The following MORN1 variants were observed in gnomAD, a reference collection of about 807,000 sequenced individuals.
MORN1 encodes the protein MORN repeat containing 1.
A neutral mutation model predicts 61.9 loss-of-function variants in MORN1; 67 were observed. That is an observed-to-expected ratio of 1.08 (90% CI 0.89 to 1.33). MORN1 has a LOEUF of 1.33. Among genes scored for constraint, MORN1 ranks in the 40% most tolerant of loss-of-function variants. The probability of loss-of-function intolerance (pLI) is 0.00; values close to 1 mark genes in which losing one functional copy is unlikely to be tolerated. For missense variants in MORN1, 752 were observed against 691.2 expected (o/e 1.09, Z -0.99); for synonymous variants, 301 against 292.0 (o/e 1.03, Z -0.31).
At position 2,322,286 on chromosome 1, in the gene MORN1, G is replaced by A. The variant is rs372159101; in HGVS notation, c.1298-707C>T. On this transcript the variant is annotated intron_variant, in intron 13 of 13. Coordinates refer to ENST00000378531, the MANE Select transcript of MORN1 (RefSeq NM_024848.3). ...TCCTCTCCCCTCCCCTGAGCCTGCC[G>A]GGGCTGGCACCGGAGCGTGGAAAAA... 43 of 985,292 alleles carry A rather than the reference G, an allele frequency of 4.4e-5. No individual in the cohort carries two copies. In the African/African-American group the frequency reaches 6.1e-4, roughly 14 times the overall value. The allele number at this position is 985,292 out of a possible 1,614,324, so 61.0% of individuals were successfully genotyped here. A position where few individuals can be genotyped will look rare whatever the true frequency, so the allele number is the denominator to read the frequency against.
intron 10 of MORN1, among the ~76,000 whole-genome samples, chr1:2,346,166 C>A (rs886347714): frequency 1.3e-5 from 2 of 151,912 alleles, no homozygotes; most frequent in African/African-American, 4.8e-5. Context: ...CTTCCTCAGA[C>A]AAAGCCACCA....
intron 10 of MORN1, among the ~76,000 whole-genome samples, chr1:2,338,866 A>G (rs1641337472): frequency 6.6e-6 from 1 of 152,108 alleles, no homozygotes; most frequent in African/African-American, 2.4e-5. Flanking sequence ...CTCAGAGTAA[A>G]GGCTGTCGTG....
intron 13 of MORN1, chr1:2,322,347 G>C: frequency 1.0e-6 from 1 of 985,462 alleles, no homozygotes; most frequent in Non-Finnish European, 1.2e-6. Context: ...CCAGGAATGC[G>C]GCCGCAGCTG....
chr1:2,336,316 G>T (rs919780258), intron 12 of MORN1, among the ~76,000 whole-genome samples, 153 bp downstream of exon 12: 6 of 152,202 alleles, frequency 3.9e-5, no homozygotes, highest in Non-Finnish European at 2.9e-5. Context: ...CTGGCTGGCG[G>T]GGGGGCTCTC....
At chr1:2,370,869 T>A (rs1484189111) in intron 8 of MORN1, among the ~76,000 whole-genome samples, 1 of 151,990 alleles carries the variant, frequency 6.6e-6, no homozygotes, top group East Asian at 1.9e-4. Flanking sequence ...TGGTTTTTTT[T>A]TTTAGGGATG....
intron 12 of MORN1, chr1:2,326,113 T>A (rs1557865859): frequency 6.6e-6 from 1 of 152,110 alleles, no homozygotes; most frequent in Non-Finnish European, 1.5e-5. Flanking sequence ...CACCCAGAGC[T>A]CGGAGAGAGC....
intron 10 of MORN1, among the ~76,000 whole-genome samples, chr1:2,356,729 G>A (rs1362297422): frequency 6.6e-6 from 1 of 152,194 alleles, no homozygotes; most frequent in East Asian, 1.9e-4. Context: ...TGTGCTGCGC[G>A]GGAGGGTTTG....
intron 4 of MORN1, 99 bp downstream of exon 4, chr1:2,387,320 G>C (rs538203774): frequency 5.8e-6 from 5 of 868,354 alleles, no homozygotes; most frequent in South Asian, 1.3e-5. Context: ...TCTGAAGTCA[G>C]GCAGGCCCTC....
rs1456165735 is a variant in MORN1 at position 2,358,701 on chromosome 1, C to T, written c.760G>A (p.Val254Ile). Residue 254 changes from valine to isoleucine, a missense_variant, in exon 9 of 14, where the codon GTC becomes ATC. Val to Ile is a conservative substitution (Grantham distance 29). Transcript: ENST00000378531. Reference sequence around the variant, plus strand: ...CTGACGCCCGCTGAGATCTGCAGGACCCGGCCGCTCTCGCCTTCCAGGAGA... The same window carrying T: ...CTGACGCCCGCTGAGATCTGCAGGATCCGGCCGCTCTCGCCTTCCAGGAGA... ...GEIAKSESGR[V>I]LQISAGVRYV... The T allele has an allele frequency of 6.2e-7, 1 of 1,612,170 alleles. No homozygotes were observed. Among genetic ancestry groups the T allele is most frequent in the African/African-American group, 1.3e-5 (1 of 74,868 alleles).
rs761083497 is a variant in MORN1 at position 2,384,979 on chromosome 1, T to C, written c.536A>G (p.Lys179Arg). 1.3e-5 allele frequency: 21 copies of C among 1,574,938 alleles called. No homozygotes were observed. The change falls in exon 6 of 14, where the codon AAG becomes AGG. Residue 179 changes from lysine to arginine, a missense_variant and splice_region_variant. Coordinates refer to ENST00000378531, the MANE Select transcript of MORN1 (RefSeq NM_024848.3). Reference sequence around the variant, plus strand: ...CAGGTGCCGCGCGCCCCCGGGTACCTTGTAGGTGGAGCCGTCGGCGCAGCG... The same window carrying C: ...CAGGTGCCGCGCGCCCCCGGGTACCCTGTAGGTGGAGCCGTCGGCGCAGCG... ...VLRCADGSTY[K>R]GQWHSDVFSG... is the part of the protein sequence containing the mutation.
intron 12 of MORN1, chr1:2,332,021 C>T (rs962690359): frequency 5.8e-6 from 1 of 173,404 alleles, no homozygotes; most frequent in Non-Finnish European, 1.2e-5. Context: ...CCCGCCGCTG[C>T]GCCTCTCCCG....
chr1:2,340,772 C>A (rs894388311), intron 10 of MORN1, among the ~76,000 whole-genome samples: 1 of 152,116 alleles, frequency 6.6e-6, no homozygotes, highest in Non-Finnish European at 1.5e-5. Flanking sequence ...GCGAGGGCCG[C>A]CACACAGGCC....
Position 2,391,526 on chromosome 1 carries a change from G to C in MORN1, c.8C>G (p.Ala3Gly), listed in dbSNP as rs1412653061. The C allele has an allele frequency of 1.4e-5, 17 of 1,251,326 alleles. No individual in the cohort carries two copies. The highest frequency in any genetic ancestry group is 1.7e-5 in the Non-Finnish European group (17 of 991,268). The allele number at this position is 1,251,326 out of a possible 1,614,324, so 77.5% of individuals were successfully genotyped here. MA[A>G]AGEGTPSSRG... ...GGAGCTCGGGGTGCCCTCGCCCGCC[G>C]CTGCCATCTTGCCGCCGAGGGTTCT... Residue 3 changes from alanine to glycine, a missense_variant, in exon 1 of 14, where the codon GCG becomes GGG. Physicochemically the swap from Ala to Gly is moderately conservative, Grantham distance 60. Coordinates refer to ENST00000378531, the MANE Select transcript of MORN1 (RefSeq NM_024848.3).
intron 2 of MORN1, 127 bp downstream of exon 2, chr1:2,389,798 A>G: frequency 1.2e-6 from 1 of 803,376 alleles, no homozygotes. Context: ...CAGCCAGGGA[A>G]GCACCAGGGT....
Position 2,337,806 on chromosome 1 carries a change from A to G in MORN1, c.1037-956T>C, listed in dbSNP as rs1237160485. Reference sequence around the variant, plus strand: ...AGGTCGGCACCAGAGCTGGCTGGACAGGGGAGTTCTGAGAGGGAGGCAGGG... The same window carrying G: ...AGGTCGGCACCAGAGCTGGCTGGACGGGGGAGTTCTGAGAGGGAGGCAGGG... On this transcript the variant is annotated intron_variant, in intron 10 of 13. Coordinates refer to ENST00000378531, the MANE Select transcript of MORN1 (RefSeq NM_024848.3). This position sits in a 1 kb window ranked among gnomAD's most constrained non-coding sequence, Gnocchi z 5.7. Among the ~76,000 whole-genome samples, 1 of 152,100 alleles carries G rather than the reference A, an allele frequency of 6.6e-6. No homozygotes were observed. The highest frequency in any genetic ancestry group is 1.5e-5 in the Non-Finnish European group (1 of 68,000).
chr1:2,379,641 G>A (rs1044636916), intron 6 of MORN1, among the ~76,000 whole-genome samples: 4 of 152,206 alleles, frequency 2.6e-5, no homozygotes, highest in African/African-American at 9.6e-5. Context: ...GTGCGCAGTG[G>A]TGGCCACGGC....
intron 8 of MORN1, among the ~76,000 whole-genome samples, chr1:2,367,928 C>T (rs937262537): frequency 2.6e-5 from 4 of 152,012 alleles, no homozygotes; most frequent in African/African-American, 9.7e-5. Flanking sequence ...CGTGCCTGGC[C>T]TAAAAATATA....
At chr1:2,391,318 G>A in intron 1 of MORN1, 140 bp downstream of exon 1, 1 of 992,204 alleles carries the variant, frequency 1.0e-6, no homozygotes, top group Non-Finnish European at 1.3e-6. Flanking sequence ...TGGGGGACGC[G>A]GGGGCGGCCC....
rs1358281016 is a variant in MORN1 at position 2,323,391 on chromosome 1, G to T, written c.1297+706C>A. On this transcript the variant is annotated intron_variant, in intron 13 of 13. Coordinates refer to ENST00000378531, the MANE Select transcript of MORN1 (RefSeq NM_024848.3). The stretch of plus-strand genomic sequence containing the variant: ...TTGGCTCTCCAGCCAGAACCCCAGA[G>T]ACACCAGACGAAGGGTCATTCATGT... The T allele has an allele frequency of 4.1e-6, 4 of 985,444 alleles. No homozygotes were observed. In the East Asian group the frequency reaches 3.4e-4, roughly 84 times the overall value. 61.0% of individuals were successfully genotyped at this position (985,444 alleles called of 1,614,324 possible).
Sources: allele counts gnomAD v4.1 joint callset (sites outside exome capture counted in the v4.1 genomes callset), GRCh38; gene constraint gnomAD v4.1.1; non-coding constraint Gnocchi (gnomAD v3.1); transcripts MANE v1.5; gene names NCBI Gene and HGNC (gene_info 2026-07-23, HGNC 2026-07-21).